Variants in RNF17 observed in about 807,000 individuals in gnomAD.
The protein encoded by RNF17 is ring finger protein 17.
A neutral mutation model predicts 200.5 loss-of-function variants in RNF17; 31 were observed. The observed-to-expected ratio is 0.15, with a 90% confidence interval of 0.12 to 0.21. The LOEUF (loss-of-function observed/expected upper bound fraction) is 0.21. Among genes scored for constraint, RNF17 ranks in the 10% least tolerant of loss-of-function variants. RNF17 has a pLI of 1.00. For synonymous variants in RNF17, 606 were observed against 637.8 expected (o/e 0.95, Z 0.75); for missense variants, 1,628 against 1,905.1 (o/e 0.85, Z 2.71).
intron 2 of RNF17, 59 bp from the exon 3 acceptor site, chr13:24,774,754 T>G: frequency 9.9e-7 from 1 of 1,010,728 alleles, no homozygotes; most frequent in Non-Finnish European, 1.5e-6. Context: ...TTGTTTAGGT[T>G]CTGGATAGGC....
intron 16 of RNF17, chr13:24,826,154 T>C: frequency 2.2e-6 from 2 of 914,984 alleles, no homozygotes; most frequent in Non-Finnish European, 2.6e-6. Flanking sequence ...AATTTTAATA[T>C]ATTCTTCTTT....
downstream of RNF17, chr13:24,882,409 A>G (rs1953888219): frequency 6.6e-6 from 1 of 152,112 alleles, no homozygotes; most frequent in Non-Finnish European, 1.5e-5. Flanking sequence ...TATTTATTAT[A>G]TAAATTTACA....
downstream of RNF17, among the ~76,000 whole-genome samples, chr13:24,880,916 A>C (rs1953795950): frequency 6.6e-6 from 1 of 152,220 alleles, no homozygotes; most frequent in Admixed American, 6.5e-5. Context: ...ATCAGTGCAT[A>C]TCTCATTGAA....
intron 19 of RNF17, among the ~76,000 whole-genome samples, chr13:24,843,070 C>T (rs1890830950): frequency 6.6e-6 from 1 of 152,032 alleles, no homozygotes; most frequent in Admixed American, 6.5e-5. Flanking sequence ...GAAGTAGTGA[C>T]ACCCCATAGA....
In RNF17 at chr13:24,844,715, T is replaced by C; in HGVS notation, c.2895T>C (p.Asn965=). ...NSKWEPVKWE[N]DMHCAVKIQD... ...AATGGGAACCTGTTAAATGGGAAAATGATATGCACTGTGCTGTTAAGATCC... is the reference window on the plus strand; with the variant it reads ...AATGGGAACCTGTTAAATGGGAAAACGATATGCACTGTGCTGTTAAGATCC... Residue 965 remains asparagine (N), a synonymous_variant, in exon 21 of 36, where the codon AAT becomes AAC. Transcript: ENST00000255324. 1 of 1,612,338 alleles carries C rather than the reference T, an allele frequency of 6.2e-7. No individual in the cohort carries two copies. Among genetic ancestry groups the C allele is most frequent in the Non-Finnish European group, 8.5e-7 (1 of 1,178,604 alleles).
intron 20 of RNF17, 43 bp downstream of exon 20, chr13:24,844,014 G>A: frequency 1.7e-6 from 1 of 590,890 alleles, no homozygotes; most frequent in Non-Finnish European, 2.6e-6. Context: ...TATTGCATAT[G>A]ATTTTATCCT....
intron 22 of RNF17, among the ~76,000 whole-genome samples, chr13:24,846,737 A>G (rs1891297928): frequency 6.6e-6 from 1 of 152,192 alleles, no homozygotes; most frequent in African/African-American, 2.4e-5. Flanking sequence ...TGTTCTAAGA[A>G]AGTTTATGAA....
At chr13:24,886,868 T>A in the RNF17 span, among the ~76,000 whole-genome samples, 2 of 152,206 alleles carry the variant, frequency 1.3e-5, no homozygotes, top group Non-Finnish European at 2.9e-5. Context: ...ATATATCAAG[T>A]TTAATTCTTC....
intron 34 of RNF17, among the ~76,000 whole-genome samples, chr13:24,878,984 G>A (rs1213162765): frequency 6.6e-6 from 1 of 152,182 alleles, no homozygotes; most frequent in Non-Finnish European, 1.5e-5. Flanking sequence ...GACCTTGTGA[G>A]AAGGAATTTA....
intron 32 of RNF17, among the ~76,000 whole-genome samples, chr13:24,871,102 A>C (rs1437305621): frequency 6.6e-6 from 1 of 152,220 alleles, no homozygotes; most frequent in African/African-American, 2.4e-5. Context: ...AGCCACCTAC[A>C]ATTATAATCT....
intron 19 of RNF17, among the ~76,000 whole-genome samples, chr13:24,842,580 A>G (rs919291630): frequency 2.0e-5 from 3 of 152,216 alleles, no homozygotes; most frequent in African/African-American, 7.2e-5. Flanking sequence ...TTTGAATGAT[A>G]ACCAGGCTTG....
chr13:24,820,114 CT>C (rs1202440958), intron 15 of RNF17, among the ~76,000 whole-genome samples: 2 of 109,526 alleles, frequency 1.8e-5, no homozygotes, highest in Non-Finnish European at 3.7e-5. Flanking sequence ...TCTCTTTTTT[CT>C]TTTTTCTTTT....
chr13:24,819,245 A>G lies in RNF17; in HGVS notation c.2092-6374A>G, dbSNP rs142360683. ...TTACTTCTGCATTTTTATGAATTTTACTATGTTAGATACCTTGTATAAGTG... is the reference window on the plus strand; with the variant it reads ...TTACTTCTGCATTTTTATGAATTTTGCTATGTTAGATACCTTGTATAAGTG... On this transcript the variant is annotated intron_variant, in intron 15 of 35. Coordinates refer to ENST00000255324, the MANE Select transcript of RNF17 (RefSeq NM_031277.3). 3.9e-5 allele frequency among the ~76,000 whole-genome samples: 6 copies of G among 152,192 alleles called. No individual in the cohort carries two copies. The East Asian group carries it at 1.2e-3, about 29-fold the overall frequency.
At chr13:24,869,801 T>TGTCA (rs1421425332) in intron 31 of RNF17, among the ~76,000 whole-genome samples, 1 of 152,148 alleles carries the variant, frequency 6.6e-6, no homozygotes, top group African/African-American at 2.4e-5. Flanking sequence ...GGTCACGTTT[T>TGTCA]GTCATCCAGG....
At chr13:24,829,291 A>G (rs1227306390) in intron 16 of RNF17, among the ~76,000 whole-genome samples, 2 of 152,196 alleles carry the variant, frequency 1.3e-5, no homozygotes, top group South Asian at 2.1e-4. Flanking sequence ...TCCAGAGAAC[A>G]TAAATGGGGA....
chr13:24,866,322 C>G (rs930854448), intron 30 of RNF17, 119 bp downstream of exon 30: 9 of 573,316 alleles, frequency 1.6e-5, no homozygotes, highest in Non-Finnish European at 2.8e-5. Flanking sequence ...ATAGAATTTA[C>G]CTATTGAATA....
At chr13:24,809,407 A>G (rs558133774) in intron 15 of RNF17, among the ~76,000 whole-genome samples, 24 of 152,298 alleles carry the variant, frequency 1.6e-4, no homozygotes, top group Non-Finnish European at 3.2e-4. Flanking sequence ...CATTTCTTCT[A>G]GATTTTCTAG....
chr13:24,800,353 G>C lies in RNF17; in HGVS notation c.1590-13G>C, dbSNP rs756399205. 2.0e-5 allele frequency: 31 copies of C among 1,515,326 alleles called. No homozygotes were observed. Among genetic ancestry groups the C allele is most frequent in the African/African-American group, 2.8e-5 (2 of 72,516 alleles). The allele number at this position is 1,515,326 out of a possible 1,614,324, so 93.9% of individuals were successfully genotyped here. A position where few individuals can be genotyped will look rare whatever the true frequency, so the allele number is the denominator to read the frequency against. ...GCATTATTTTCAATAAATATTACTT[G>C]AATTTCTCCTAGAGTTGTTGATACC... On this transcript the variant is annotated splice_polypyrimidine_tract_variant and intron_variant, in intron 12 of 35. Coordinates refer to ENST00000255324, the MANE Select transcript of RNF17 (RefSeq NM_031277.3).
At chr13:24,792,584 T>C (rs911952603) in intron 9 of RNF17, among the ~76,000 whole-genome samples, 8 of 152,178 alleles carry the variant, frequency 5.3e-5, no homozygotes, top group African/African-American at 1.9e-4. Context: ...GTCGTGTACA[T>C]ATATATGACT....
Sources: gnomAD v4.1 joint callset for allele counts (sites outside exome capture counted in the v4.1 genomes callset) on GRCh38, gnomAD v4.1.1 for gene constraint, MANE v1.5 for transcripts, NCBI Gene and HGNC (gene_info 2026-07-23, HGNC 2026-07-21) for gene names.